MYRIP: variants seen among roughly 807,000 people sequenced by gnomAD.
The protein encoded by MYRIP is myosin VIIA and Rab interacting protein.
MYRIP carries 49 observed loss-of-function variants against 98.0 expected under a neutral mutation model. The ratio of observed to expected loss-of-function variants is 0.50; its 90% CI spans 0.40 to 0.63. MYRIP has a LOEUF of 0.63. Among genes scored for constraint, MYRIP ranks in the 30% least tolerant of loss-of-function variants. The probability of loss-of-function intolerance (pLI) is 0.00; values close to 1 mark genes in which losing one functional copy is unlikely to be tolerated. For synonymous variants in MYRIP, 404 were observed against 409.5 expected (o/e 0.99, Z 0.16); for missense variants, 1,004 against 1,058.2 (o/e 0.95, Z 0.71).
chr3:40,022,544 T>C (rs7642786), intron 2 of MYRIP, among the ~76,000 whole-genome samples: 2 of 152,162 alleles, frequency 1.3e-5, no homozygotes, highest in Admixed American at 1.3e-4. Context: ...TGAGTATTCA[T>C]GGAGGCATTG....
intron 1 of MYRIP, among the ~76,000 whole-genome samples, chr3:39,843,749 C>A (rs558516577): frequency 2.8e-4 from 43 of 152,296 alleles, no homozygotes; most frequent in African/African-American, 9.6e-4. Context: ...ATCACTGCCC[C>A]CTCTGTATCA....
rs1950427552 is a variant in MYRIP at position 40,162,911 on chromosome 3, A to C, written c.550+101A>C. 4 of 1,009,520 alleles carry C rather than the reference A, an allele frequency of 4.0e-6. No individual in the cohort carries two copies. In the South Asian group the frequency reaches 4.1e-5, roughly 10 times the overall value. The allele number at this position is 1,009,520 out of a possible 1,614,324, so 62.5% of individuals were successfully genotyped here. ...GGTCCCCCAGATGCATTGTTACCCC[A>C]GATGCAACTATCTACTACTGTGTGT... On this transcript the variant is annotated intron_variant, in intron 5 of 16. Transcript: ENST00000302541.
intron 3 of MYRIP, among the ~76,000 whole-genome samples, chr3:40,112,770 G>GTTCTGTGTGGTAAACAGGCTGCCCT (rs1949186611): frequency 6.6e-6 from 1 of 152,184 alleles, no homozygotes; most frequent in Non-Finnish European, 1.5e-5. Flanking sequence ...CTGTCAGAAA[G>GTTCTGTGTGGTAAACAGGCTGCCCT]TTCTGTGTGG....
chr3:39,844,610 C>T (rs1941905515), intron 1 of MYRIP, among the ~76,000 whole-genome samples: 1 of 152,162 alleles, frequency 6.6e-6, no homozygotes, highest in Non-Finnish European at 1.5e-5. Context: ...TGGGAACCTA[C>T]TATAAACACC....
intron 1 of MYRIP, among the ~76,000 whole-genome samples, chr3:39,812,520 G>A (rs1015929368): frequency 1.8e-4 from 27 of 152,146 alleles, no homozygotes; most frequent in African/African-American, 6.0e-4. Flanking sequence ...GGTCAATGGC[G>A]GCTGGTTTGT....
In MYRIP at chr3:40,180,351, A is replaced by G. The variant is rs543139114; in HGVS notation, c.874-1869A>G. On this transcript the variant is annotated intron_variant, in intron 8 of 16. Coordinates refer to ENST00000302541, the MANE Select transcript of MYRIP (RefSeq NM_015460.4). ...GATAGCAAACATTCATTGATTTCCA[A>G]TTCTGTACTAGTTACTGTGCCAGGG... Among the ~76,000 whole-genome samples the G allele has an allele frequency of 4.6e-5, 7 of 152,230 alleles. No homozygotes were observed. The South Asian group carries it at 1.4e-3, about 31-fold the overall frequency.
intron 2 of MYRIP, among the ~76,000 whole-genome samples, chr3:39,925,900 C>T (rs1251648609): frequency 6.6e-6 from 1 of 151,964 alleles, no homozygotes; most frequent in African/African-American, 2.4e-5. Flanking sequence ...CTTTGAGAAA[C>T]CTCCAAACTA....
intron 1 of MYRIP, among the ~76,000 whole-genome samples, chr3:39,852,363 C>T (rs1942154681): frequency 6.6e-6 from 1 of 152,192 alleles, no homozygotes; most frequent in South Asian, 2.1e-4. Context: ...TGACAGGCCT[C>T]AGCCTGTGGC....
rs1575271955 is a variant in MYRIP at position 39,820,695 on chromosome 3, A to T, written c.-31+10779A>T. 3.3e-5 allele frequency among the ~76,000 whole-genome samples: 5 copies of T among 152,230 alleles called. No individual in the cohort carries two copies. In the South Asian group the frequency reaches 8.3e-4, roughly 25 times the overall value. ...TACAGCTAATTATAAGAAAAATCAG[A>T]AATGTTGTTTTCATTGTTTTAATCC... On this transcript the variant is annotated intron_variant, in intron 1 of 16. Coordinates refer to ENST00000302541, the MANE Select transcript of MYRIP (RefSeq NM_015460.4).
intron 16 of MYRIP, among the ~76,000 whole-genome samples, chr3:40,253,691 G>GT (rs1168534904): frequency 6.6e-6 from 1 of 152,170 alleles, no homozygotes; most frequent in Non-Finnish European, 1.5e-5. Flanking sequence ...TCTAGAATCA[G>GT]TATTGACAAT....
intron 2 of MYRIP, among the ~76,000 whole-genome samples, chr3:40,017,517 A>C (rs1484990607): frequency 6.6e-6 from 1 of 152,122 alleles, no homozygotes; most frequent in Non-Finnish European, 1.5e-5. Flanking sequence ...TCTTTTGAAC[A>C]TCTAATTACT....
At position 40,256,532 on chromosome 3, in the gene MYRIP, G is replaced by GA. The variant is rs1359370462; in HGVS notation, c.2548-1592dup. Among the ~76,000 whole-genome samples, 586 of 146,772 alleles carry GA rather than the reference G, an allele frequency of 4.0e-3. 10 individuals are homozygous for GA. The highest frequency in any genetic ancestry group is 0.01 in the Middle Eastern group (3 of 286). On this transcript the variant is annotated intron_variant, in intron 16 of 16. Coordinates refer to ENST00000302541, the MANE Select transcript of MYRIP (RefSeq NM_015460.4). ...CTACATCTACATCTAGAAGTTATTT[G>GA]AAAAAAAAAATATTTTGTAAGTCAC...
At chr3:39,960,380 C>A (rs927478189) in intron 2 of MYRIP, among the ~76,000 whole-genome samples, 1 of 152,110 alleles carries the variant, frequency 6.6e-6, no homozygotes, top group African/African-American at 2.4e-5. Flanking sequence ...GTCCTATTAA[C>A]AAAACAATTG....
intron 3 of MYRIP, among the ~76,000 whole-genome samples, chr3:40,059,439 C>T (rs1290953730): frequency 1.3e-5 from 2 of 152,202 alleles, no homozygotes; most frequent in Non-Finnish European, 2.9e-5. Context: ...TCCTCTCCAG[C>T]ATCTGTTGTT....
intron 2 of MYRIP, among the ~76,000 whole-genome samples, chr3:39,901,196 G>A (rs1037300194): frequency 2.0e-5 from 3 of 152,218 alleles, no homozygotes; most frequent in Admixed American, 2.0e-4. Context: ...TGGTGAACAC[G>A]CTGCCTTGAG....
At chr3:40,202,671 T>C (rs1400456752) in intron 10 of MYRIP, among the ~76,000 whole-genome samples, 1 of 152,140 alleles carries the variant, frequency 6.6e-6, no homozygotes, top group Non-Finnish European at 1.5e-5. Flanking sequence ...GAGAAGAGCT[T>C]GGCCTTCAGG....
chr3:39,974,570 G>A (rs901555078), intron 2 of MYRIP, among the ~76,000 whole-genome samples: 17 of 152,114 alleles, frequency 1.1e-4, no homozygotes, highest in South Asian at 8.3e-4. Flanking sequence ...CATCATCCCG[G>A]TACCAAAGCC....
chr3:39,974,650 A>G (rs966337484), intron 2 of MYRIP, among the ~76,000 whole-genome samples: 5 of 152,236 alleles, frequency 3.3e-5, no homozygotes, highest in Admixed American at 6.5e-5. Flanking sequence ...AAAATCCTCA[A>G]TAAAATACTG....
At chr3:40,107,254 G>A (rs1330941558) in intron 3 of MYRIP, among the ~76,000 whole-genome samples, 1 of 152,204 alleles carries the variant, frequency 6.6e-6, no homozygotes, top group East Asian at 1.9e-4. Flanking sequence ...TGCCCTGTAA[G>A]TAGGGCCAGT....
Sources: gnomAD v4.1 joint callset for allele counts (sites outside exome capture counted in the v4.1 genomes callset) on GRCh38, gnomAD v4.1.1 for gene constraint, MANE v1.5 for transcripts, NCBI Gene and HGNC (gene_info 2026-07-23, HGNC 2026-07-21) for gene names.